PTPRG: variants seen among roughly 807,000 people sequenced by gnomAD.
The protein encoded by PTPRG is receptor-type tyrosine-protein phosphatase gamma.
Under a neutral mutation model 165.3 loss-of-function variants are expected in PTPRG, and 102 were observed. That is an observed-to-expected ratio of 0.62 (90% CI 0.53 to 0.73). The LOEUF is 0.73. Ranked by LOEUF, PTPRG falls within the 30% of genes least tolerant of loss-of-function variation. PTPRG has a pLI of 0.00. For missense variants in PTPRG, 1,866 were observed against 1,861.4 expected, an observed-to-expected ratio of 1.00 and a Z score of -0.05; for synonymous variants, 675 against 669.5, an observed-to-expected ratio of 1.01 and a Z score of -0.13.
At chr3:62,231,751 G>A (rs562505431) in intron 14 of PTPRG, among the ~76,000 whole-genome samples, 1 of 152,080 alleles carries the variant, frequency 6.6e-6, no homozygotes, top group Non-Finnish European at 1.5e-5. Context: ...TAGGGATGAA[G>A]AGTAGGAAGG....
chr3:61,902,560 A>G lies in PTPRG; in HGVS notation c.191-87065A>G, dbSNP rs551825976. On this transcript the variant is annotated intron_variant, in intron 2 of 29. Transcript: ENST00000474889. ...CTATATTGCTAAGTTACCATCAATA[A>G]TAGTATCTGTCCTGATTTCAGAGAT... Among the ~76,000 whole-genome samples the G allele has an allele frequency of 2.8e-4, 43 of 152,314 alleles. No homozygotes were observed. In the South Asian group the frequency reaches 8.9e-3, roughly 32 times the overall value.
chr3:61,887,164 A>ATT (rs2038072437), intron 2 of PTPRG, among the ~76,000 whole-genome samples: 5 of 128,234 alleles, frequency 3.9e-5, no homozygotes, highest in Non-Finnish European at 6.4e-5. Context: ...ATATATATAT[A>ATT]TATATATTTT....
rs1468423743 is a variant in PTPRG at position 62,281,771 on chromosome 3, T to C, written c.3912+62T>C. On this transcript the variant is annotated intron_variant, in intron 27 of 29. Coordinates refer to ENST00000474889, the MANE Select transcript of PTPRG (RefSeq NM_002841.4). ...CTGGGCCCTGGATCATCATTCTAAG[T>C]AATAATGAAATAATTTACCACCCTC... 5.6e-6 allele frequency: 8 copies of C among 1,425,590 alleles called. No individual in the cohort carries two copies. In the African/African-American group the frequency reaches 1.2e-4, roughly 21 times the overall value. 88.3% of individuals were successfully genotyped at this position (1,425,590 alleles called of 1,614,324 possible). A position where few individuals can be genotyped will look rare whatever the true frequency, so the allele number is the denominator to read the frequency against.
At position 62,267,833 on chromosome 3, in the gene PTPRG, GA is replaced by G; in HGVS notation, c.2874+15del. Reference sequence around the variant, plus strand: ...GAAAAAGGAAGAGTAAGAGCCTTTTGACTCACTATCTTAATAATGCACCTTC... The same window carrying G: ...GAAAAAGGAAGAGTAAGAGCCTTTTGCTCACTATCTTAATAATGCACCTTC... On this transcript the variant is annotated intron_variant, in intron 19 of 29. Transcript: ENST00000474889. The G allele has an allele frequency of 6.2e-7, 1 of 1,610,544 alleles. No individual in the cohort carries two copies. Among genetic ancestry groups the G allele is most frequent in the African/African-American group, 1.3e-5 (1 of 74,828 alleles).
At chr3:61,800,249 C>T (rs1333539552) in intron 2 of PTPRG, among the ~76,000 whole-genome samples, 1 of 152,022 alleles carries the variant, frequency 6.6e-6, no homozygotes, top group South Asian at 2.1e-4. Flanking sequence ...AGCCAGTGTT[C>T]TAGAAGGTGG....
chr3:61,955,305 C>T (rs958838794), intron 2 of PTPRG, among the ~76,000 whole-genome samples: 8 of 152,008 alleles, frequency 5.3e-5, no homozygotes, highest in Middle Eastern at 3.4e-3. Flanking sequence ...TTCTCTTACG[C>T]GAAGTAAATG....
At chr3:62,207,280 G>A (rs1201379012) in intron 12 of PTPRG, among the ~76,000 whole-genome samples, 1 of 152,218 alleles carries the variant, frequency 6.6e-6, no homozygotes, top group African/African-American at 2.4e-5. Context: ...CAGGCGATGG[G>A]TCTGATATGG....
intron 2 of PTPRG, among the ~76,000 whole-genome samples, chr3:61,969,509 G>C (rs991216569): frequency 2.6e-5 from 4 of 152,148 alleles, no homozygotes; most frequent in Non-Finnish European, 5.9e-5. Context: ...TCAGCAAAAA[G>C]TATTAAAGAA....
intron 2 of PTPRG, among the ~76,000 whole-genome samples, chr3:61,985,105 C>T (rs1036526190): frequency 6.6e-6 from 1 of 152,238 alleles, no homozygotes; most frequent in African/African-American, 2.4e-5. Flanking sequence ...GGAACTTACT[C>T]ACTAAATCTA....
At chr3:62,182,544 C>T (rs1705698194) in intron 8 of PTPRG, among the ~76,000 whole-genome samples, 1 of 152,242 alleles carries the variant, frequency 6.6e-6, no homozygotes, top group African/African-American at 2.4e-5. Flanking sequence ...TCCCACTGGG[C>T]TGTCATCTCC....
intron 2 of PTPRG, among the ~76,000 whole-genome samples, chr3:61,889,334 G>A (rs11705858): frequency 0.11 from 17,212 of 152,044 alleles, 1,567 homozygotes; most frequent in East Asian, 0.48. Flanking sequence ...TGCCTTATTC[G>A]GTGGGTTATA....
chr3:62,265,807 G>A (rs1701845164), intron 17 of PTPRG, among the ~76,000 whole-genome samples: 1 of 147,912 alleles, frequency 6.8e-6, no homozygotes. Context: ...AATCAGGCAA[G>A]GATATGTATA....
At chr3:61,890,227 G>GTT (rs1399317090) in intron 2 of PTPRG, among the ~76,000 whole-genome samples, 1 of 152,064 alleles carries the variant, frequency 6.6e-6, no homozygotes, top group Non-Finnish European at 1.5e-5. Flanking sequence ...TAGTATTTAA[G>GTT]GTTAACTGAA....
intron 8 of PTPRG, among the ~76,000 whole-genome samples, chr3:62,186,070 T>C (rs1374154031): frequency 6.6e-6 from 1 of 152,172 alleles, no homozygotes; most frequent in Admixed American, 6.5e-5. Context: ...CAAGGCACAG[T>C]GGTGTCTGCC....
At chr3:62,024,549 G>T (rs1205005382) in intron 4 of PTPRG, among the ~76,000 whole-genome samples, 1 of 152,180 alleles carries the variant, frequency 6.6e-6, no homozygotes, top group Non-Finnish European at 1.5e-5. Context: ...AGCAGAAATG[G>T]AATGGAAGTA....
At chr3:62,077,317 A>G (rs890450019) in intron 4 of PTPRG, among the ~76,000 whole-genome samples, 1 of 152,046 alleles carries the variant, frequency 6.6e-6, no homozygotes, top group African/African-American at 2.4e-5. Context: ...GCCAAATGTA[A>G]GAGAAGATAT....
chr3:62,053,850 T>A (rs1160577088), intron 4 of PTPRG, among the ~76,000 whole-genome samples: 1 of 152,190 alleles, frequency 6.6e-6, no homozygotes, highest in Non-Finnish European at 1.5e-5. Flanking sequence ...ATAATTTGAC[T>A]TCCTAGCTCT....
chr3:61,781,460 T>C (rs895663571), intron 2 of PTPRG, among the ~76,000 whole-genome samples: 1 of 152,206 alleles, frequency 6.6e-6, no homozygotes, highest in African/African-American at 2.4e-5. Context: ...TACTCTGTTT[T>C]GTGTGGATCA....
intron 1 of PTPRG, among the ~76,000 whole-genome samples, chr3:61,740,407 A>G (rs552592787): frequency 6.6e-6 from 1 of 152,220 alleles, no homozygotes; most frequent in Non-Finnish European, 1.5e-5. Context: ...CTCCATTATA[A>G]ATCAGTTTTA....
Sources: gnomAD v4.1 joint callset for allele counts (sites outside exome capture counted in the v4.1 genomes callset) on GRCh38, gnomAD v4.1.1 for gene constraint, MANE v1.5 for transcripts, NCBI Gene and HGNC (gene_info 2026-07-23, HGNC 2026-07-21) for gene names.